Variants in COL19A1 observed in about 807,000 individuals in gnomAD.
The protein encoded by COL19A1 is collagen type XIX alpha 1 chain.
COL19A1 carries 159 observed loss-of-function variants against 190.2 expected under a neutral mutation model. The ratio of observed to expected loss-of-function variants is 0.84; its 90% CI spans 0.73 to 0.95. COL19A1 has a LOEUF of 0.95. Among genes scored for constraint, COL19A1 ranks in the 40% least tolerant of loss-of-function variants. COL19A1 has a pLI of 0.00. For synonymous variants in COL19A1, 509 were observed against 458.9 expected (o/e 1.11, Z -1.39); for missense variants, 1,418 against 1,431.9 (o/e 0.99, Z 0.16).
Position 69,873,433 on chromosome 6 carries a change from G to T in COL19A1, c.-32-6103G>T, listed in dbSNP as rs555632515. Among the ~76,000 whole-genome samples, 6 of 152,244 alleles carry T rather than the reference G, an allele frequency of 3.9e-5. No homozygotes were observed. The South Asian group carries it at 1.2e-3, about 32-fold the overall frequency. On this transcript the variant is annotated intron_variant, in intron 1 of 50. Coordinates refer to ENST00000620364, the MANE Select transcript of COL19A1 (RefSeq NM_001858.6). ...TACTGGCATATTTACATATGCGTGT[G>T]TGAGGCTTTTCAAGCTGCAGATGGA...
intron 17 of COL19A1, among the ~76,000 whole-genome samples, chr6:70,126,877 A>C (rs10945199): frequency 6.6e-6 from 1 of 152,168 alleles, no homozygotes; most frequent in African/African-American, 2.4e-5. Context: ...AGCAATAGTG[A>C]TCTGAATGGG....
chr6:69,930,622 T>C (rs1179064435), intron 6 of COL19A1, among the ~76,000 whole-genome samples: 1 of 151,848 alleles, frequency 6.6e-6, no homozygotes, highest in Non-Finnish European at 1.5e-5. Context: ...ATCGAGACCA[T>C]CCTGGCTAAC....
chr6:69,896,619 C>T (rs1769792098), intron 2 of COL19A1, among the ~76,000 whole-genome samples: 1 of 149,052 alleles, frequency 6.7e-6, no homozygotes, highest in Non-Finnish European at 1.5e-5. Flanking sequence ...CTCCTACAAG[C>T]AATGTAGAAT....
intron 16 of COL19A1, among the ~76,000 whole-genome samples, chr6:70,112,739 A>C (rs1469908211): frequency 1.3e-5 from 2 of 152,184 alleles, no homozygotes. Flanking sequence ...TCACAGTCTC[A>C]TCCTCCCACT....
At chr6:69,938,649 G>T (rs1447176989) in intron 9 of COL19A1, among the ~76,000 whole-genome samples, 1 of 152,136 alleles carries the variant, frequency 6.6e-6, no homozygotes, top group Non-Finnish European at 1.5e-5. Flanking sequence ...AAGGCCATAT[G>T]TGTTAGGTGC....
Position 70,006,529 on chromosome 6 carries a change from C to T in COL19A1, c.1027-17098C>T, listed in dbSNP as rs141736558. ...CTTGGTTGCCGGTGAAGGATTCACA[C>T]GCTTATTATGGTTCTTTTCTATGGG... On this transcript the variant is annotated intron_variant, in intron 11 of 50. Coordinates refer to ENST00000620364, the MANE Select transcript of COL19A1 (RefSeq NM_001858.6). Among the ~76,000 whole-genome samples the T allele has an allele frequency of 3.0e-3, 452 of 152,192 alleles. 4 individuals are homozygous for T. The highest frequency in any genetic ancestry group is 9.7e-3 in the African/African-American group (401 of 41,512).
chr6:70,065,728 C>A (rs1397142097), intron 14 of COL19A1, among the ~76,000 whole-genome samples: 1 of 152,090 alleles, frequency 6.6e-6, no homozygotes, highest in Non-Finnish European at 1.5e-5. Flanking sequence ...GGGCTAATAT[C>A]CAGAATCTAC....
chr6:70,016,587 A>G (rs1466188804), intron 11 of COL19A1, among the ~76,000 whole-genome samples: 1 of 151,880 alleles, frequency 6.6e-6, no homozygotes, highest in Non-Finnish European at 1.5e-5. Context: ...TATTTCAAGA[A>G]TAAAATAACC....
chr6:70,150,787 T>C (rs982357565), intron 30 of COL19A1, among the ~76,000 whole-genome samples: 5 of 152,136 alleles, frequency 3.3e-5, no homozygotes, highest in South Asian at 2.1e-4. Context: ...ACGCCACTGT[T>C]GAGTGAATCA....
intron 8 of COL19A1, among the ~76,000 whole-genome samples, chr6:69,937,164 C>G (rs1358797640): frequency 6.6e-6 from 1 of 152,122 alleles, no homozygotes; most frequent in Non-Finnish European, 1.5e-5. Flanking sequence ...AAGGGAGGAA[C>G]TACCTGTACA....
intron 2 of COL19A1, among the ~76,000 whole-genome samples, chr6:69,880,697 A>G (rs1458462399): frequency 3.9e-5 from 6 of 152,170 alleles, no homozygotes; most frequent in Admixed American, 1.3e-4. Flanking sequence ...GAAAGTTTGA[A>G]TATTCTGTTA....
intron 15 of COL19A1, among the ~76,000 whole-genome samples, chr6:70,071,515 T>A (rs1396205739): frequency 6.6e-6 from 1 of 152,194 alleles, no homozygotes; most frequent in Non-Finnish European, 1.5e-5. Flanking sequence ...ATGGGCTGTT[T>A]TATTTCTCAA....
At chr6:70,108,492 T>C (rs1784101393) in intron 16 of COL19A1, among the ~76,000 whole-genome samples, 1 of 152,134 alleles carries the variant, frequency 6.6e-6, no homozygotes, top group African/African-American at 2.4e-5. Context: ...ACAATAGCTC[T>C]TTGAAGGATG....
intron 2 of COL19A1, among the ~76,000 whole-genome samples, chr6:69,896,894 T>C (rs1769813256): frequency 6.6e-6 from 1 of 152,256 alleles, no homozygotes; most frequent in African/African-American, 2.4e-5. Context: ...AATGATACTT[T>C]ATTGCATATT....
chr6:70,077,852 C>T (rs532852095), intron 15 of COL19A1, among the ~76,000 whole-genome samples: 6 of 152,130 alleles, frequency 3.9e-5, no homozygotes, highest in Middle Eastern at 3.4e-3. Flanking sequence ...ATTAATAATG[C>T]CACTTTAAGA....
intron 16 of COL19A1, among the ~76,000 whole-genome samples, chr6:70,121,547 A>C (rs72916731): frequency 0.019 from 2,969 of 152,322 alleles, 32 homozygotes; most frequent in East Asian, 0.042. Flanking sequence ...TGCCAAAAAT[A>C]AACTGAAGAG....
At chr6:70,078,321 C>A (rs959737974) in intron 15 of COL19A1, among the ~76,000 whole-genome samples, 1 of 152,126 alleles carries the variant, frequency 6.6e-6, no homozygotes, top group African/African-American at 2.4e-5. Context: ...AAAAGCAGAG[C>A]CTAAGATGGG....
intron 16 of COL19A1, among the ~76,000 whole-genome samples, chr6:70,114,794 T>G (rs962573505): frequency 2.0e-5 from 3 of 152,230 alleles, no homozygotes; most frequent in African/African-American, 7.2e-5. Flanking sequence ...CCTAAATATA[T>G]GCATATACAT....
chr6:69,927,428 T>C (rs1272131574), intron 4 of COL19A1, among the ~76,000 whole-genome samples: 2 of 152,160 alleles, frequency 1.3e-5, no homozygotes, highest in Non-Finnish European at 2.9e-5. Flanking sequence ...AAAATATCCA[T>C]GTTATATTTA....
Sources: gnomAD v4.1 joint callset for allele counts (sites outside exome capture counted in the v4.1 genomes callset) on GRCh38, gnomAD v4.1.1 for gene constraint, MANE v1.5 for transcripts, NCBI Gene and HGNC (gene_info 2026-07-23, HGNC 2026-07-21) for gene names.